The following SPATA16 variants were observed in gnomAD, a reference collection of about 807,000 sequenced individuals.
The protein encoded by SPATA16 is spermatogenesis-associated protein 16.
A neutral mutation model predicts 63.3 loss-of-function variants in SPATA16; 36 were observed. That is an observed-to-expected ratio of 0.57 (90% CI 0.44 to 0.75). The LOEUF (loss-of-function observed/expected upper bound fraction) is 0.75. Ranked by LOEUF, SPATA16 falls within the 30% of genes least tolerant of loss-of-function variation. SPATA16 has a pLI of 0.00. For missense variants in SPATA16, 646 were observed against 679.3 expected (o/e 0.95, Z 0.54); for synonymous variants, 203 against 216.7 (o/e 0.94, Z 0.56).
In SPATA16 at chr3:173,101,994, C is replaced by G. The variant is rs144803147; in HGVS notation, c.612+15126G>C. Among the ~76,000 whole-genome samples, 1,133 of 152,236 alleles carry G rather than the reference C, an allele frequency of 7.4e-3. 16 individuals carry two copies. Among genetic ancestry groups the G allele is most frequent in the African/African-American group, 0.026 (1,083 of 41,532 alleles). ...CCCTTCTCATTCTTCTCATCAAAAC[C>G]TCAAGTCTGAGTCAATAAAAACTTT... On this transcript the variant is annotated intron_variant, in intron 2 of 10. Coordinates refer to ENST00000351008, the MANE Select transcript of SPATA16 (RefSeq NM_031955.6).
intron 3 of SPATA16, among the ~76,000 whole-genome samples, chr3:173,028,519 A>G (rs1735522408): frequency 1.3e-5 from 2 of 151,982 alleles, no homozygotes; most frequent in African/African-American, 4.8e-5. Context: ...AGACGGCATA[A>G]ATTTTACTGC....
At chr3:173,070,418 C>T (rs1402531384) in intron 2 of SPATA16, among the ~76,000 whole-genome samples, 3 of 150,412 alleles carry the variant, frequency 2.0e-5, no homozygotes, top group Admixed American at 1.3e-4. Flanking sequence ...AAAAAAGATG[C>T]CTACTTTCAC....
chr3:172,924,107 A>T, intron 8 of SPATA16, 101 bp downstream of exon 8: 1 of 975,134 alleles, frequency 1.0e-6, no homozygotes, highest in Non-Finnish European at 1.6e-6. Flanking sequence ...ACGTTTCCAA[A>T]ATCCCCTAAC....
chr3:173,091,309 G>A (rs1275487158), intron 2 of SPATA16, among the ~76,000 whole-genome samples: 2 of 151,176 alleles, frequency 1.3e-5, no homozygotes, highest in African/African-American at 4.9e-5. Context: ...TACTTTTAAT[G>A]TCAAATATAA....
chr3:173,121,133 G>T (rs1463932400), intron 1 of SPATA16, among the ~76,000 whole-genome samples: 1 of 151,274 alleles, frequency 6.6e-6, no homozygotes, highest in Non-Finnish European at 1.5e-5. Context: ...GGCTGAAAAA[G>T]CATGGCCAAA....
In SPATA16 at chr3:173,132,190, G is replaced by A. The variant is rs558864252; in HGVS notation, c.-19+8913C>T. Reference sequence around the variant, plus strand: ...TATACTCTTGGAAATGAACTCATTAGATGGATTAAACAACACATTAGATAC... The same window carrying A: ...TATACTCTTGGAAATGAACTCATTAAATGGATTAAACAACACATTAGATAC... On this transcript the variant is annotated intron_variant, in intron 1 of 10. Coordinates refer to ENST00000351008, the MANE Select transcript of SPATA16 (RefSeq NM_031955.6). 7.0e-4 allele frequency among the ~76,000 whole-genome samples: 106 copies of A among 152,198 alleles called. 1 individual carries two copies. The Middle Eastern group carries it at 0.034, about 49-fold the overall frequency.
At chr3:173,096,019 C>T (rs1290979272) in intron 2 of SPATA16, among the ~76,000 whole-genome samples, 1 of 152,050 alleles carries the variant, frequency 6.6e-6, no homozygotes, top group Non-Finnish European at 1.5e-5. Flanking sequence ...ATAGATTTTA[C>T]AATCTCCCTA....
Position 173,093,970 on chromosome 3 carries a change from G to C in SPATA16, c.612+23150C>G, listed in dbSNP as rs527311119. 2.0e-5 allele frequency among the ~76,000 whole-genome samples: 3 copies of C among 151,930 alleles called. No individual in the cohort carries two copies. The South Asian group carries it at 6.2e-4, about 32-fold the overall frequency. On this transcript the variant is annotated intron_variant, in intron 2 of 10. Transcript: ENST00000351008. ...TTGGAGTGCTATGGAGCACAGAGCAGTCTTTCTGATTTACTTCATTTTCCT... is the reference window on the plus strand; with the variant it reads ...TTGGAGTGCTATGGAGCACAGAGCACTCTTTCTGATTTACTTCATTTTCCT...
chr3:172,974,553 G>A (rs1228665173), intron 5 of SPATA16, among the ~76,000 whole-genome samples: 1 of 151,912 alleles, frequency 6.6e-6, no homozygotes, highest in East Asian at 1.9e-4. Context: ...GTATACATTT[G>A]AATCAAGATC....
chr3:173,083,038 T>G (rs183347667), intron 2 of SPATA16, among the ~76,000 whole-genome samples: 1 of 152,254 alleles, frequency 6.6e-6, no homozygotes, highest in Non-Finnish European at 1.5e-5. Flanking sequence ...GGGTTGTATC[T>G]TTTAAAGTAC....
intron 4 of SPATA16, among the ~76,000 whole-genome samples, chr3:172,984,168 A>C (rs568440503): frequency 2.0e-5 from 3 of 152,162 alleles, no homozygotes; most frequent in African/African-American, 7.2e-5. Flanking sequence ...ACACAAGCAC[A>C]TTTCAGGTGC....
chr3:173,020,891 T>A (rs949150000), intron 3 of SPATA16, among the ~76,000 whole-genome samples: 2 of 152,228 alleles, frequency 1.3e-5, no homozygotes, highest in African/African-American at 4.8e-5. Flanking sequence ...TTGGAATTAG[T>A]TCATTATTAA....
At chr3:173,024,121 T>G (rs1396272410) in intron 3 of SPATA16, among the ~76,000 whole-genome samples, 1 of 151,488 alleles carries the variant, frequency 6.6e-6, no homozygotes, top group Non-Finnish European at 1.5e-5. Flanking sequence ...TTCTATTATA[T>G]TTTCCAAACT....
intron 1 of SPATA16, among the ~76,000 whole-genome samples, chr3:173,133,188 TTG>T (rs1341050309): frequency 3.3e-5 from 5 of 152,190 alleles, no homozygotes; most frequent in African/African-American, 1.2e-4. Flanking sequence ...TCACTCTGTA[TTG>T]TGATACTGGA....
At chr3:173,068,026 A>T (rs988533530) in intron 2 of SPATA16, among the ~76,000 whole-genome samples, 4 of 152,226 alleles carry the variant, frequency 2.6e-5, no homozygotes, top group Admixed American at 6.5e-5. Context: ...TCCTTCAAAC[A>T]TGAAGGAGAC....
intron 1 of SPATA16, among the ~76,000 whole-genome samples, chr3:173,118,810 C>T (rs983540091): frequency 2.0e-5 from 3 of 152,156 alleles, no homozygotes; most frequent in Non-Finnish European, 4.4e-5. Flanking sequence ...TCCTCTATAA[C>T]ATGAGGTTCT....
intron 3 of SPATA16, among the ~76,000 whole-genome samples, chr3:173,043,573 T>C (rs1348822753): frequency 2.0e-5 from 3 of 151,982 alleles, no homozygotes; most frequent in African/African-American, 7.2e-5. Flanking sequence ...GAAAAGAAAA[T>C]ACAGTCTTTT....
intron 6 of SPATA16, among the ~76,000 whole-genome samples, chr3:172,944,403 T>C (rs78289918): frequency 0.041 from 6,213 of 152,256 alleles, 435 homozygotes; most frequent in African/African-American, 0.14. Context: ...CTCGTGCACT[T>C]CTGGTGAGAA....
In SPATA16 at chr3:172,976,966, A is replaced by ATGAG; in HGVS notation, c.933+1_933+2insCTCA. 6.2e-7 allele frequency: 1 copy of ATGAG among 1,608,300 alleles called. No homozygotes were observed. The highest frequency in any genetic ancestry group is 8.5e-7 in the Non-Finnish European group (1 of 1,178,018). On this transcript the variant is annotated splice_donor_variant, in intron 5 of 10. Transcript: ENST00000351008. LOFTEE classifies it high-confidence loss of function. ...CTCCCTAGTTGGGACATCAATTTTTACCTGCCAATACAGTTTGATGAGCTT... is the reference window on the plus strand; with the variant it reads ...CTCCCTAGTTGGGACATCAATTTTTATGAGCCTGCCAATACAGTTTGATGAGCTT...
Sources: gnomAD v4.1 joint callset for allele counts (sites outside exome capture counted in the v4.1 genomes callset) on GRCh38, gnomAD v4.1.1 for gene constraint, MANE v1.5 for transcripts, NCBI Gene and HGNC (gene_info 2026-07-23, HGNC 2026-07-21) for gene names.